ZNF75D: variants seen among roughly 807,000 people sequenced by gnomAD.
ZNF75D encodes the protein zinc finger protein 75D, also known as zinc finger protein 75.
A neutral mutation model predicts 33.3 loss-of-function variants in ZNF75D; 33 were observed. The ratio of observed to expected loss-of-function variants is 0.99; its 90% CI spans 0.75 to 1.32. The LOEUF (loss-of-function observed/expected upper bound fraction) is 1.32. ZNF75D is among the 40% of genes most tolerant of loss of function. The pLI, the probability that ZNF75D is intolerant of heterozygous loss-of-function variation, is 0.00. For missense variants in ZNF75D, 338 were observed against 367.5 expected (o/e 0.92, Z 0.66); for synonymous variants, 113 against 130.6 (o/e 0.87, Z 0.92).
chrX:135,282,672 G>A (rs782368217), downstream of ZNF75D, among the ~76,000 whole-genome samples: 1 of 111,706 alleles, frequency 9.0e-6, no homozygotes, highest in Non-Finnish European at 1.9e-5. Context: ...TGGGAAAAGT[G>A]TAGTATCTGG....
chrX:135,327,154 G>A (rs966522867), intron 1 of ZNF75D, among the ~76,000 whole-genome samples: 1 of 112,565 alleles, frequency 8.9e-6, no homozygotes, highest in African/African-American at 3.2e-5. Context: ...AGCCATGTCT[G>A]TATGTAATGA....
chrX:135,258,557 T>A (rs190470351), intron 1 of ZNF75D, among the ~76,000 whole-genome samples: 3 of 110,631 alleles, frequency 2.7e-5, no homozygotes, highest in East Asian at 2.8e-4. Context: ...GATGAGGAGC[T>A]TTTTTTCATG....
chrX:135,320,541 T>C (rs1184424335), intron 1 of ZNF75D, among the ~76,000 whole-genome samples: 1 of 111,910 alleles, frequency 8.9e-6, no homozygotes, highest in African/African-American at 3.2e-5. Flanking sequence ...GTTACTGTTT[T>C]ATTGTATATA....
At position 135,287,157 on chromosome X, in the gene ZNF75D, A is replaced by G. The variant is rs1364295126; in HGVS notation, c.1513T>C (p.Cys505Arg). Residue 505 changes from cysteine to arginine, a missense_variant, in exon 7 of 7, where the codon TGT becomes CGT. Transcript: ENST00000370766. Reference sequence around the variant, plus strand: ...TTTCCTCAGTTTGGAGACACTAGACATGCTTCCCTTCTTCTGTGGAGTTTC... The same window carrying G: ...TTTCCTCAGTTTGGAGACACTAGACGTGCTTCCCTTCTTCTGTGGAGTTTC... ...HQKLHRRREA[C>R]LVSPN 2.0e-5 allele frequency: 24 copies of G among 1,205,753 alleles called. No individual in the cohort carries two copies. The highest frequency in any genetic ancestry group is 2.7e-5 in the Non-Finnish European group (24 of 893,910).
At chrX:135,311,773 A>T (rs1379480539) in intron 1 of ZNF75D, among the ~76,000 whole-genome samples, 1 of 112,006 alleles carries the variant, frequency 8.9e-6, no homozygotes, top group Non-Finnish European at 1.9e-5. Flanking sequence ...CTCCACATAG[A>T]AGGGAGATCA....
chrX:135,263,951 C>T (rs781824708), intron 1 of ZNF75D, among the ~76,000 whole-genome samples: 2 of 112,163 alleles, frequency 1.8e-5, no homozygotes, highest in South Asian at 3.7e-4. Flanking sequence ...CATCTTGGAA[C>T]GCCCCCTCAG....
chrX:135,287,901 A>G (rs1454915957), intron 6 of ZNF75D, 55 bp from the exon 7 acceptor site: 2 of 929,265 alleles, frequency 2.2e-6, no homozygotes, highest in Non-Finnish European at 3.0e-6. Flanking sequence ...AGAAAGCTAC[A>G]TAAATGGAGA....
intron 1 of ZNF75D, among the ~76,000 whole-genome samples, chrX:135,299,109 T>C (rs1191363774): frequency 8.9e-6 from 1 of 112,500 alleles, no homozygotes; most frequent in East Asian, 2.8e-4. Flanking sequence ...GGACAAATTT[T>C]GTGTGGACAT....
At chrX:135,274,992 T>C (rs1419614359) in intron 1 of ZNF75D, among the ~76,000 whole-genome samples, 1 of 111,870 alleles carries the variant, frequency 8.9e-6, no homozygotes, top group East Asian at 2.8e-4. Flanking sequence ...GTTGTGCTAA[T>C]AGTGAGAAAA....
intron 1 of ZNF75D, among the ~76,000 whole-genome samples, chrX:135,274,414 A>T (rs1193721305): frequency 8.9e-6 from 1 of 112,020 alleles, no homozygotes; most frequent in Non-Finnish European, 1.9e-5. Context: ...AGGGTTTGGC[A>T]TAGAAGGTAA....
At chrX:135,278,723 CT>C (rs1556418038) in intron 1 of ZNF75D, among the ~76,000 whole-genome samples, 1 of 111,512 alleles carries the variant, frequency 9.0e-6, no homozygotes, top group African/African-American at 3.3e-5. Context: ...TATTGAAGGC[CT>C]TTTCTGCATC....
chrX:135,262,580 C>T (rs1464075998), intron 1 of ZNF75D, among the ~76,000 whole-genome samples: 1 of 111,925 alleles, frequency 8.9e-6, no homozygotes, highest in Non-Finnish European at 1.9e-5. Context: ...TCCACTTGAT[C>T]GAATTGGTAT....
chrX:135,291,290 G>A, intron 5 of ZNF75D, 155 bp from the exon 6 acceptor site: 1 of 815,138 alleles, frequency 1.2e-6, no homozygotes, highest in Non-Finnish European at 1.8e-6. Context: ...GGAGCAAAGA[G>A]GATCAGTAAA....
chrX:135,312,609 CAA>C (rs1420979326), intron 1 of ZNF75D, among the ~76,000 whole-genome samples: 1 of 108,953 alleles, frequency 9.2e-6, no homozygotes, highest in African/African-American at 3.3e-5. Flanking sequence ...TTTCCATTCC[CAA>C]AAAAGTGTAT....
chrX:135,335,840 T>A (rs1294585994), intron 1 of ZNF75D, among the ~76,000 whole-genome samples: 5 of 111,922 alleles, frequency 4.5e-5, no homozygotes, highest in Non-Finnish European at 9.4e-5. Flanking sequence ...CTTTGAAATC[T>A]CACACCTGGC....
Position 135,262,659 on chromosome X carries a change from T to C in ZNF75D, n.828-6882A>G, listed in dbSNP as rs886845636. Among the ~76,000 whole-genome samples, 5 of 112,328 alleles carry C rather than the reference T, an allele frequency of 4.5e-5. No homozygotes were observed. In the Admixed American group the frequency reaches 4.7e-4, roughly 11 times the overall value. On this transcript the variant is annotated intron_variant and non_coding_transcript_variant, in intron 1 of 3. Transcript: ENST00000494295. ...CAGCTCCATCAGGTCATTTAAGGTC[T>C]TCTCTACACTGTTTATTCTAGTTAG... is the stretch of plus-strand genomic sequence containing the variant.
intron 1 of ZNF75D, among the ~76,000 whole-genome samples, chrX:135,278,004 GT>G (rs1157108935): frequency 9.0e-6 from 1 of 111,203 alleles, no homozygotes; most frequent in Admixed American, 9.6e-5. Flanking sequence ...ATTTAAAGTA[GT>G]TTTTTTTCTA....
chrX:135,294,950 G>A (rs2084103156), intron 2 of ZNF75D, among the ~76,000 whole-genome samples: 1 of 111,979 alleles, frequency 8.9e-6, no homozygotes, highest in South Asian at 3.7e-4. Flanking sequence ...TTGTACTTGC[G>A]TATTAAATTT....
chrX:135,312,897 T>C (rs2084377761), intron 1 of ZNF75D, among the ~76,000 whole-genome samples: 1 of 112,152 alleles, frequency 8.9e-6, no homozygotes, highest in South Asian at 3.7e-4. Flanking sequence ...ATTCTGAATA[T>C]TAATCCCTTA....
Sources: allele counts gnomAD v4.1 joint callset (sites outside exome capture counted in the v4.1 genomes callset), GRCh38; gene constraint gnomAD v4.1.1; transcripts MANE v1.5; gene names NCBI Gene and HGNC (gene_info 2026-07-23, HGNC 2026-07-21).